Variants in PLGRKT observed in about 807,000 individuals in gnomAD.
The protein encoded by PLGRKT is plasminogen receptor (KT).
Under a neutral mutation model 18.5 loss-of-function variants are expected in PLGRKT, and 22 were observed. The ratio of observed to expected loss-of-function variants is 1.19; its 90% CI spans 0.85 to 1.70. PLGRKT has a LOEUF of 1.70. PLGRKT is among the 40% of genes most tolerant of loss of function. The pLI, the probability that PLGRKT is intolerant of heterozygous loss-of-function variation, is 0.00. For missense variants in PLGRKT, 235 were observed against 174.4 expected (o/e 1.35, Z -1.96); for synonymous variants, 72 against 52.8 (o/e 1.36, Z -1.58).
chr9:5,377,845 G>C, intron 3 of PLGRKT, among the ~76,000 whole-genome samples: 1 of 152,162 alleles, frequency 6.6e-6, no homozygotes, highest in East Asian at 1.9e-4. Flanking sequence ...CTAGGGGATG[G>C]GGTCTGAAAG....
chr9:5,403,547 T>C (rs1057050216), intron 3 of PLGRKT, among the ~76,000 whole-genome samples: 2 of 152,232 alleles, frequency 1.3e-5, no homozygotes, highest in Admixed American at 6.5e-5. Flanking sequence ...CTTAATGGTG[T>C]ACATTTTGAA....
intron 3 of PLGRKT, among the ~76,000 whole-genome samples, chr9:5,377,317 C>A (rs1023009965): frequency 6.6e-6 from 1 of 151,254 alleles, no homozygotes; most frequent in Non-Finnish European, 1.5e-5. Flanking sequence ...AATAATAGTA[C>A]TATGGTAATC....
At position 5,390,147 on chromosome 9, in the gene PLGRKT, T is replaced by A. The variant is rs147931186; in HGVS notation, c.82-28259A>T. Among the ~76,000 whole-genome samples, 158 of 151,772 alleles carry A rather than the reference T, an allele frequency of 1.0e-3. 2 individuals are homozygous for A. The highest frequency in any genetic ancestry group is 6.8e-3 in the Middle Eastern group (2 of 294). ...CTTCAGGATGGGAGGGTATTTTTGCTTAAAATACCAGCAATTCTCAACTCT... is the reference window on the plus strand; with the variant it reads ...CTTCAGGATGGGAGGGTATTTTTGCATAAAATACCAGCAATTCTCAACTCT... On this transcript the variant is annotated intron_variant, in intron 3 of 5. Coordinates refer to ENST00000223864, the MANE Select transcript of PLGRKT (RefSeq NM_018465.4).
chr9:5,383,748 A>T (rs1445816966), intron 3 of PLGRKT, among the ~76,000 whole-genome samples: 1 of 152,072 alleles, frequency 6.6e-6, no homozygotes, highest in Non-Finnish European at 1.5e-5. Context: ...ACTGCCCTTG[A>T]TCTGGCAGGA....
chr9:5,364,251 G>A (rs1817333028), intron 3 of PLGRKT, among the ~76,000 whole-genome samples: 1 of 152,188 alleles, frequency 6.6e-6, no homozygotes, highest in Non-Finnish European at 1.5e-5. Context: ...GTTCCCGTGT[G>A]CAGCCGGGAC....
intron 3 of PLGRKT, among the ~76,000 whole-genome samples, chr9:5,383,866 G>A (rs1817791914): frequency 6.6e-6 from 1 of 152,214 alleles, no homozygotes; most frequent in South Asian, 2.1e-4. Context: ...AGGGGTTGGG[G>A]ATCCTAGAGT....
chr9:5,361,831 T>A lies in PLGRKT; in HGVS notation c.139A>T (p.Ile47Phe), dbSNP rs748374096. 6.2e-7 allele frequency: 1 copy of A among 1,612,008 alleles called. No homozygotes were observed. The highest frequency in any genetic ancestry group is 2.2e-5 in the East Asian group (1 of 44,844). ...TTGAGGAATTCCCGAGACCACGCAA[T>A]CTGCATGGCCATTTGTCTTTCCCTC... is the stretch of plus-strand genomic sequence containing the variant. Reference protein sequence around the residue: ...EMRERQMAMQIAWSREFLKYF... With the variant: ...EMRERQMAMQFAWSREFLKYF... The change falls in exon 4 of 6, where the codon ATT (isoleucine) becomes TTT (phenylalanine). Residue 47 changes from isoleucine (I) to phenylalanine (F), a missense_variant. Physicochemically the swap from Ile to Phe is conservative, Grantham distance 21. Transcript: ENST00000223864.
chr9:5,361,329 TGGAA>T, intron 4 of PLGRKT, 142 bp from the exon 5 acceptor site: 1 of 592,218 alleles, frequency 1.7e-6, no homozygotes, highest in Non-Finnish European at 3.0e-6. Flanking sequence ...GATAATTCTA[TGGAA>T]ATAGGATTTC....
chr9:5,424,089 A>T (rs375530908), intron 3 of PLGRKT, among the ~76,000 whole-genome samples: 1 of 143,556 alleles, frequency 7.0e-6, no homozygotes, highest in Non-Finnish European at 1.5e-5. Flanking sequence ...ATAATATATA[A>T]TATATATTAT....
intron 3 of PLGRKT, among the ~76,000 whole-genome samples, chr9:5,391,675 C>T (rs924752567): frequency 1.3e-5 from 2 of 151,912 alleles, no homozygotes; most frequent in Admixed American, 1.3e-4. Context: ...GCTAGCTCTT[C>T]TCCATGGATG....
At chr9:5,406,960 T>G (rs1818269038) in intron 3 of PLGRKT, among the ~76,000 whole-genome samples, 1 of 152,166 alleles carries the variant, frequency 6.6e-6, no homozygotes, top group African/African-American at 2.4e-5. Context: ...TGCTTTTTGT[T>G]TGTGTACATT....
Position 5,418,696 on chromosome 9 carries a change from G to A in PLGRKT, c.81+13201C>T, listed in dbSNP as rs2131156278. The A allele has an allele frequency of 1.5e-6, 1 of 663,792 alleles. No homozygotes were observed. The highest frequency in any genetic ancestry group is 2.8e-6 in the Non-Finnish European group (1 of 356,176). 41.1% of individuals were successfully genotyped at this position (663,792 alleles called of 1,614,324 possible). ...GGGCAGCATGTAGCACCCACTGCCG[G>A]GAAGTCTGATGAAGACCGGCATGTG... On this transcript the variant is annotated intron_variant, in intron 3 of 5. Transcript: ENST00000223864. This position sits in a 1 kb window ranked among gnomAD's most constrained non-coding sequence, Gnocchi z 4.2.
At chr9:5,424,527 A>T (rs1818647725) in intron 3 of PLGRKT, among the ~76,000 whole-genome samples, 2 of 114,512 alleles carry the variant, frequency 1.7e-5, no homozygotes, top group Admixed American at 9.9e-5. Flanking sequence ...ATAAATATAT[A>T]TTATTAACAT....
chr9:5,406,550 T>A (rs1295632659), intron 3 of PLGRKT, among the ~76,000 whole-genome samples: 2 of 139,060 alleles, frequency 1.4e-5, no homozygotes, highest in Admixed American at 1.5e-4. Flanking sequence ...AAGTGGGAGG[T>A]GAACAATGAG....
chr9:5,415,003 AATC>A (rs1260058395), intron 3 of PLGRKT, among the ~76,000 whole-genome samples: 4 of 152,224 alleles, frequency 2.6e-5, no homozygotes, highest in African/African-American at 9.6e-5. Context: ...CTAAGAGGAC[AATC>A]ATCATAACAG....
chr9:5,388,773 G>A (rs561809173), intron 3 of PLGRKT, among the ~76,000 whole-genome samples: 2 of 152,146 alleles, frequency 1.3e-5, no homozygotes, highest in South Asian at 2.1e-4. Flanking sequence ...ACCTCTCTGT[G>A]CTTCAGTTTC....
chr9:5,363,093 C>T (rs1008241539), intron 3 of PLGRKT, among the ~76,000 whole-genome samples: 1 of 151,844 alleles, frequency 6.6e-6, no homozygotes, highest in Non-Finnish European at 1.5e-5. Flanking sequence ...GGGGGACTAC[C>T]AATGAGTCCA....
chr9:5,397,634 A>G lies in PLGRKT; in HGVS notation c.81+34263T>C, dbSNP rs887214203. ...GAAGAAAAGGGAGGGAAGAGGGGAG[A>G]GAGGGAAGAAGGAAGCAAGCAATGG... is the stretch of plus-strand genomic sequence containing the variant. On this transcript the variant is annotated intron_variant, in intron 3 of 5. Coordinates refer to ENST00000223864, the MANE Select transcript of PLGRKT (RefSeq NM_018465.4). 5.6e-4 allele frequency among the ~76,000 whole-genome samples: 85 copies of G among 150,586 alleles called. 2 individuals are homozygous for G. The highest frequency in any genetic ancestry group is 1.6e-3 in the African/African-American group (63 of 40,156).
At chr9:5,436,932 A>G (rs1296396446) in intron 1 of PLGRKT, among the ~76,000 whole-genome samples, 1 of 152,224 alleles carries the variant, frequency 6.6e-6, no homozygotes, top group Non-Finnish European at 1.5e-5. Flanking sequence ...TCACTTGTAT[A>G]AGTTAAGTCT....
Sources: gnomAD v4.1 joint callset for allele counts (sites outside exome capture counted in the v4.1 genomes callset) on GRCh38, gnomAD v4.1.1 for gene constraint, Gnocchi (gnomAD v3.1) non-coding constraint, MANE v1.5 for transcripts, NCBI Gene and HGNC (gene_info 2026-07-23, HGNC 2026-07-21) for gene names.